Variants in HEMGN observed in about 807,000 individuals in gnomAD.
HEMGN encodes the protein erythroid differentiation-associated gene protein.
A neutral mutation model predicts 45.7 loss-of-function variants in HEMGN; 32 were observed. The observed-to-expected ratio is 0.70, with a 90% confidence interval of 0.53 to 0.94. The LOEUF is 0.94. Ranked by LOEUF, HEMGN falls within the 40% of genes least tolerant of loss-of-function variation. The probability of loss-of-function intolerance (pLI) is 0.00; values close to 1 mark genes in which losing one functional copy is unlikely to be tolerated. For missense variants in HEMGN, 530 were observed against 564.2 expected (o/e 0.94, Z 0.61); for synonymous variants, 183 against 178.6 (o/e 1.02, Z -0.20).
intron 1 of HEMGN, among the ~76,000 whole-genome samples, chr9:97,943,397 A>G (rs776016236): frequency 6.6e-6 from 1 of 152,254 alleles, no homozygotes; most frequent in Non-Finnish European, 1.5e-5. Flanking sequence ...TTGCTTTCCT[A>G]AGTGGAGAAG....
rs372858440 is a variant in HEMGN, at chr9:97,930,417, A to T, written c.978T>A (p.His326Gln). 9 of 1,613,978 alleles carry T rather than the reference A, an allele frequency of 5.6e-6. No homozygotes were observed. In the Admixed American group the frequency reaches 6.7e-5, roughly 12 times the overall value. The change falls in exon 3 of 4, where the codon CAT becomes CAA. Residue 326 changes from histidine (H) to glutamine (Q), a missense_variant. By Grantham distance (24) the His-to-Gln change is conservative. Coordinates refer to ENST00000616898, the MANE Select transcript of HEMGN (RefSeq NM_197978.3). ...QESAEPKYLP[H>Q]KTCNEIIVPK... ...GCACAATAATTTCGTTACATGTTTT[A>T]TGAGGAAGGTATTTAGGTTCAGCTG...
Position 97,936,248 on chromosome 9 carries a change from C to G in HEMGN, c.96G>C (p.Trp32Cys), listed in dbSNP as rs1827057757. ...ENHSPEVIGTWSLRNRELLRK... is the reference protein window; with the variant it reads ...ENHSPEVIGTCSLRNRELLRK... Reference sequence around the variant, plus strand: ...TAAGTAGTTCTCTGTTTCTCAAACTCCAGGTTCCAATGACTTCTGTAATAA... The same window carrying G: ...TAAGTAGTTCTCTGTTTCTCAAACTGCAGGTTCCAATGACTTCTGTAATAA... The change falls in exon 2 of 4, where the codon TGG (tryptophan) becomes TGC (cysteine). Residue 32 changes from tryptophan (W) to cysteine (C), a missense_variant. By Grantham distance (215) the Trp-to-Cys change is radical. Coordinates refer to ENST00000616898, the MANE Select transcript of HEMGN (RefSeq NM_197978.3). 1 of 1,609,456 alleles carries G rather than the reference C, an allele frequency of 6.2e-7. No individual in the cohort carries two copies. The highest frequency in any genetic ancestry group is 1.7e-5 in the Admixed American group (1 of 59,984).
At position 97,938,093 on chromosome 9, in the gene HEMGN, G is replaced by A. The variant is rs1270393128; in HGVS notation, c.44C>T (p.Thr15Ile). Residue 15 changes from threonine to isoleucine, a missense_variant, in exon 1 of 4, where the codon ACA (threonine) becomes ATA (isoleucine). Coordinates refer to ENST00000616898, the MANE Select transcript of HEMGN (RefSeq NM_197978.3). ...KDQSHLKHHQTPDPHQEENHS... is the reference protein window; with the variant it reads ...KDQSHLKHHQIPDPHQEENHS... The stretch of plus-strand genomic sequence containing the variant: ...GTTCTCTTCTTGATGAGGGTCAGGT[G>A]TCTGATGGTGCTTCAAATGAGATTG... The A allele has an allele frequency of 3.1e-6, 5 of 1,612,268 alleles. No homozygotes were observed. Among genetic ancestry groups the A allele is most frequent in the African/African-American group, 1.3e-5 (1 of 74,650 alleles).
chr9:97,940,646 T>G (rs1827138851), upstream of HEMGN, among the ~76,000 whole-genome samples: 1 of 152,240 alleles, frequency 6.6e-6, no homozygotes, highest in Non-Finnish European at 1.5e-5. Flanking sequence ...ATTTCCAGAA[T>G]GTGTGTTAGG....
chr9:97,935,579 C>T lies in HEMGN; in HGVS notation c.173+592G>A, dbSNP rs549405222. ...CTTTTGGCTCTTTGGGCTCCCCTTC[C>T]AAGCAAGCAAGTCCCCAGTTTCCAC... On this transcript the variant is annotated intron_variant, in intron 2 of 3. Transcript: ENST00000616898. Among the ~76,000 whole-genome samples, 3 of 152,276 alleles carry T rather than the reference C, an allele frequency of 2.0e-5. No homozygotes were observed. In the East Asian group the frequency reaches 5.8e-4, roughly 29 times the overall value.
intron 1 of HEMGN, 94 bp downstream of exon 1, chr9:97,937,964 T>C: frequency 1.7e-6 from 1 of 582,374 alleles, no homozygotes; most frequent in Non-Finnish European, 2.9e-6. Context: ...TATTTCCTTT[T>C]TTTTTTTTTT....
chr9:97,929,138 A>G (rs146220143), intron 3 of HEMGN, among the ~76,000 whole-genome samples: 3 of 152,366 alleles, frequency 2.0e-5, no homozygotes, highest in African/African-American at 7.2e-5. Context: ...AGAATGAAGC[A>G]GTTAGGAATC....
At chr9:97,938,380 A>G (rs1335459184), upstream of HEMGN, 1 of 418,720 alleles carries the variant, frequency 2.4e-6, no homozygotes, top group East Asian at 4.0e-5. Flanking sequence ...CCCCTAGCAT[A>G]GGTTGCTATT....
chr9:97,934,712 A>G (rs1349318188), intron 2 of HEMGN, among the ~76,000 whole-genome samples: 2 of 152,152 alleles, frequency 1.3e-5, no homozygotes, highest in Non-Finnish European at 2.9e-5. Context: ...GTGGTTATGG[A>G]GGTGGGGCAA....
chr9:97,936,421 G>A (rs1658580081), intron 1 of HEMGN, among the ~76,000 whole-genome samples, 157 bp from the exon 2 acceptor site: 1 of 152,340 alleles, frequency 6.6e-6, no homozygotes, highest in East Asian at 1.9e-4. Context: ...TCCAGAGAAA[G>A]CCTGGAAGCA....
At chr9:97,927,596 G>A in intron 3 of HEMGN, 118 bp from the exon 4 acceptor site, 1 of 616,702 alleles carries the variant, frequency 1.6e-6, no homozygotes, top group African/African-American at 1.9e-5. Flanking sequence ...CGTAGATGGG[G>A]TAAATTTTTA....
chr9:97,936,313 A>T, intron 1 of HEMGN, 49 bp from the exon 2 acceptor site: 1 of 1,324,036 alleles, frequency 7.6e-7, no homozygotes, highest in Non-Finnish European at 1.1e-6. Context: ...TGTGGTGTCT[A>T]TCAGCAAAAG....
At chr9:97,927,517 T>C (rs1284868800) in intron 3 of HEMGN, 39 bp from the exon 4 acceptor site, 1 of 1,355,386 alleles carries the variant, frequency 7.4e-7, no homozygotes, top group Non-Finnish European at 1.1e-6. Context: ...ATTCAATAAA[T>C]TGTATTGGGA....
chr9:97,937,510 A>C (rs1364978897), intron 1 of HEMGN, among the ~76,000 whole-genome samples: 1 of 152,068 alleles, frequency 6.6e-6, no homozygotes, highest in Non-Finnish European at 1.5e-5. Context: ...CCACCACTGG[A>C]TATTGTAATC....
rs533579494 is a variant in HEMGN, at chr9:97,931,243, T to C, written c.174-22A>G. Reference sequence around the variant, plus strand: ...TTCTCTGCAGAAAGAACAGAATTAGTGTCAGCAGTGGTACTACAGAATTCA... The same window carrying C: ...TTCTCTGCAGAAAGAACAGAATTAGCGTCAGCAGTGGTACTACAGAATTCA... On this transcript the variant is annotated intron_variant, in intron 2 of 3. Transcript: ENST00000616898. 1.4e-5 allele frequency: 21 copies of C among 1,550,354 alleles called. No homozygotes were observed. In the East Asian group the frequency reaches 3.4e-4, roughly 25 times the overall value.
intron 3 of HEMGN, among the ~76,000 whole-genome samples, chr9:97,928,253 C>G (rs1035596161): frequency 2.0e-5 from 3 of 152,098 alleles, no homozygotes; most frequent in Non-Finnish European, 4.4e-5. Context: ...GTCTCGATCT[C>G]CTGACCTCGT....
intron 3 of HEMGN, among the ~76,000 whole-genome samples, chr9:97,929,601 A>G (rs1184094484): frequency 7.1e-6 from 1 of 141,374 alleles, no homozygotes; most frequent in African/African-American, 2.5e-5. Flanking sequence ...TAGTAACAGG[A>G]TTATATTTTA....
chr9:97,930,542 T>G lies in HEMGN; in HGVS notation c.853A>C (p.Asn285His). 6.2e-7 allele frequency: 1 copy of G among 1,614,208 alleles called. No individual in the cohort carries two copies. Among genetic ancestry groups the G allele is most frequent in the Non-Finnish European group, 8.5e-7 (1 of 1,180,022 alleles). ...TCAGCTATTCCTTGATCTGTTTCAT[T>G]GTATTCCTCTGGTTCTGCTGGATTT... ...DQNPAEPEEY[N>H]ETDQGIAETE... Residue 285 changes from asparagine (N) to histidine (H), a missense_variant, in exon 3 of 4, where the codon AAT becomes CAT. Physicochemically the swap from Asn to His is moderately conservative, Grantham distance 68. Coordinates refer to ENST00000616898, the MANE Select transcript of HEMGN (RefSeq NM_197978.3).
At chr9:97,942,626 G>A (rs954304892), upstream of HEMGN, among the ~76,000 whole-genome samples, 2 of 152,308 alleles carry the variant, frequency 1.3e-5, no homozygotes, top group East Asian at 3.9e-4. Flanking sequence ...TATTGAGGGA[G>A]AGAGTTGCTT....
Sources: allele counts gnomAD v4.1 joint callset (sites outside exome capture counted in the v4.1 genomes callset), GRCh38; gene constraint gnomAD v4.1.1; transcripts MANE v1.5; gene names NCBI Gene and HGNC (gene_info 2026-07-23, HGNC 2026-07-21).